AUH: variants seen among roughly 807,000 people sequenced by gnomAD.
AUH encodes the protein AU RNA binding methylglutaconyl-CoA hydratase, also known as methylglutaconyl-CoA hydratase, mitochondrial.
Under a neutral mutation model 42.3 loss-of-function variants are expected in AUH, and 29 were observed. The ratio of observed to expected loss-of-function variants is 0.69; its 90% CI spans 0.51 to 0.93. The LOEUF is 0.93. Among genes scored for constraint, AUH ranks in the 40% least tolerant of loss-of-function variants. The probability of loss-of-function intolerance (pLI) is 0.00; values close to 1 mark genes in which losing one functional copy is unlikely to be tolerated. For synonymous variants in AUH, 174 were observed against 166.4 expected, an observed-to-expected ratio of 1.05 and a Z score of -0.35; for missense variants, 452 against 438.1, an observed-to-expected ratio of 1.03 and a Z score of -0.28.
intron 6 of AUH, among the ~76,000 whole-genome samples, chr9:91,295,151 C>A (rs546304671): frequency 6.6e-6 from 1 of 152,128 alleles, no homozygotes; most frequent in Non-Finnish European, 1.5e-5. Flanking sequence ...GTAAGACATG[C>A]CTTTGCTCTT....
chr9:91,305,999 C>T (rs571363039), intron 4 of AUH, among the ~76,000 whole-genome samples: 57 of 152,216 alleles, frequency 3.7e-4, no homozygotes, highest in African/African-American at 1.3e-3. Context: ...TGGCTCTGTG[C>T]GCCACTAATT....
chr9:91,302,768 CA>C (rs922192755), intron 4 of AUH, among the ~76,000 whole-genome samples: 4 of 150,120 alleles, frequency 2.7e-5, no homozygotes, highest in African/African-American at 4.9e-5. Context: ...GACTCTGTCT[CA>C]AAAAAAAGGA....
intron 6 of AUH, among the ~76,000 whole-genome samples, chr9:91,269,217 G>C (rs989686619): frequency 6.6e-6 from 1 of 152,088 alleles, no homozygotes; most frequent in African/African-American, 2.4e-5. Context: ...CTGACCTCGT[G>C]ATCCGCCTGC....
chr9:91,359,199 A>G (rs1252292151), intron 1 of AUH, among the ~76,000 whole-genome samples: 1 of 151,964 alleles, frequency 6.6e-6, no homozygotes, highest in African/African-American at 2.4e-5. Context: ...GAGACTTTAA[A>G]AACAAAACAA....
chr9:91,272,729 T>G (rs1825247696), intron 6 of AUH, among the ~76,000 whole-genome samples: 1 of 152,220 alleles, frequency 6.6e-6, no homozygotes, highest in Admixed American at 6.5e-5. Flanking sequence ...TGGGGGTTTG[T>G]CTCTGTTTAC....
At chr9:91,274,185 G>C (rs1315590220) in intron 6 of AUH, among the ~76,000 whole-genome samples, 1 of 152,134 alleles carries the variant, frequency 6.6e-6, no homozygotes, top group Non-Finnish European at 1.5e-5. Flanking sequence ...CCTATTTTCT[G>C]GGTATGCCTC....
chr9:91,219,032 C>A (rs1826979730), intron 7 of AUH: 1 of 985,318 alleles, frequency 1.0e-6, no homozygotes, highest in Non-Finnish European at 1.2e-6. Flanking sequence ...AAGGCACATG[C>A]ACAGGGACTG....
intron 6 of AUH, among the ~76,000 whole-genome samples, chr9:91,267,304 A>ACCCAAGTACCTTGCCATAATTAGCAGC (rs1587727782): frequency 6.6e-6 from 1 of 152,180 alleles, no homozygotes; most frequent in East Asian, 1.9e-4. Flanking sequence ...AAGATCAGAG[A>ACCCAAGTACCTTGCCATAATTAGCAGC]CCCAAGTACC....
intron 4 of AUH, among the ~76,000 whole-genome samples, chr9:91,313,699 G>T (rs896308254): frequency 8.5e-6 from 1 of 118,076 alleles, no homozygotes; most frequent in African/African-American, 3.4e-5. Context: ...GCGACAAAGC[G>T]AGACTCCGTC....
intron 6 of AUH, among the ~76,000 whole-genome samples, chr9:91,246,756 G>A (rs907846879): frequency 6.6e-6 from 1 of 152,212 alleles, no homozygotes; most frequent in Admixed American, 6.5e-5. Context: ...AAGAGAATAG[G>A]CATAAAGGAT....
intron 6 of AUH, among the ~76,000 whole-genome samples, chr9:91,246,962 G>A (rs746527679): frequency 1.3e-5 from 2 of 152,126 alleles, no homozygotes; most frequent in African/African-American, 4.8e-5. Flanking sequence ...TGCCTTCCCA[G>A]ACTTCTTATA....
Position 91,221,012 on chromosome 9 carries a change from G to A in AUH, c.656-20C>T. ...TCCCCCCTGAGGGGTGAAAGAGAGAGAAAAGGCAATGATTTGACACCTGTT... is the reference window on the plus strand; with the variant it reads ...TCCCCCCTGAGGGGTGAAAGAGAGAAAAAAGGCAATGATTTGACACCTGTT... On this transcript the variant is annotated intron_variant, in intron 6 of 9. Transcript: ENST00000375731. 6.2e-7 allele frequency: 1 copy of A among 1,613,400 alleles called. No individual in the cohort carries two copies. The highest frequency in any genetic ancestry group is 8.5e-7 in the Non-Finnish European group (1 of 1,179,510).
At chr9:91,339,222 C>T (rs1830920204) in intron 3 of AUH, among the ~76,000 whole-genome samples, 1 of 152,168 alleles carries the variant, frequency 6.6e-6, no homozygotes, top group African/African-American at 2.4e-5. Flanking sequence ...TTTACAGATG[C>T]TCCTCAACTT....
chr9:91,324,827 T>C (rs1391415647), intron 4 of AUH, among the ~76,000 whole-genome samples: 3 of 151,520 alleles, frequency 2.0e-5, no homozygotes, highest in African/African-American at 7.3e-5. Context: ...TGTACAAGGG[T>C]ATTCACTACC....
intron 6 of AUH, among the ~76,000 whole-genome samples, chr9:91,278,093 G>A (rs914455758): frequency 1.3e-5 from 2 of 152,126 alleles, no homozygotes; most frequent in African/African-American, 4.8e-5. Context: ...AGACCAAGGG[G>A]AAGAAATTGT....
intron 4 of AUH, among the ~76,000 whole-genome samples, chr9:91,312,583 C>T (rs916432597): frequency 1.3e-5 from 2 of 152,156 alleles, no homozygotes; most frequent in East Asian, 1.9e-4. Flanking sequence ...ACAAAATAGC[C>T]GGCGTGGTGG....
intron 6 of AUH, among the ~76,000 whole-genome samples, chr9:91,246,894 G>A (rs1187234584): frequency 6.6e-6 from 1 of 152,202 alleles, no homozygotes; most frequent in African/African-American, 2.4e-5. Flanking sequence ...GGAAAGTCTG[G>A]TAGTCCCCAT....
At chr9:91,346,872 A>AC (rs1831548349) in intron 3 of AUH, among the ~76,000 whole-genome samples, 2 of 152,232 alleles carry the variant, frequency 1.3e-5, no homozygotes, top group African/African-American at 4.8e-5. Flanking sequence ...AAAAAAAAAA[A>AC]AAAACACTTT....
intron 7 of AUH, among the ~76,000 whole-genome samples, chr9:91,217,868 G>A (rs1826915953): frequency 6.6e-6 from 1 of 152,180 alleles, no homozygotes; most frequent in Non-Finnish European, 1.5e-5. Flanking sequence ...ACATAAATAT[G>A]AAGTCTACAT....
Sources: gnomAD v4.1 joint callset for allele counts (sites outside exome capture counted in the v4.1 genomes callset) on GRCh38, gnomAD v4.1.1 for gene constraint, MANE v1.5 for transcripts, NCBI Gene and HGNC (gene_info 2026-07-23, HGNC 2026-07-21) for gene names.